Variants in SON observed in about 807,000 individuals in gnomAD.
The protein encoded by SON is SON DNA and RNA binding protein.
In SON, 4 loss-of-function variants were observed where a neutral mutation model predicts 173.3. The observed-to-expected ratio is 0.02, with a 90% CI of 0.01 to 0.05. The LOEUF is 0.05. SON is among the 10% of genes least tolerant of loss of function. The pLI is 1.00. For synonymous variants in SON, 1,190 were observed against 1,105.9 expected (o/e 1.08, Z -1.51); for missense variants, 2,626 against 3,055.3 (o/e 0.86, Z 3.31).
At chr21:33,546,628 A>G (rs2085622774) in intron 2 of SON, 1 of 249,878 alleles carries the variant, frequency 4.0e-6, no homozygotes, top group Non-Finnish European at 7.7e-6. Context: ...TGAAAATACA[A>G]AAATTAGCCG....
Position 33,552,105 on chromosome 21 carries a change from A to G in SON, c.2874A>G (p.Leu958=). Residue 958 remains leucine (L), a synonymous_variant, in exon 3 of 12, where the codon CTA becomes CTG. Coordinates refer to ENST00000356577, the MANE Select transcript of SON (RefSeq NM_138927.4). This position sits in a 1 kb window ranked among gnomAD's most constrained non-coding sequence, Gnocchi z 5.6. The part of the protein sequence containing the change: ...PYRLGHDPYR[L]TPDPYRMSPR... ...GATTAGGCCATGATCCCTACAGACT[A>G]ACTCCTGATCCCTATAGGATGTCAC... is the stretch of plus-strand genomic sequence containing the variant. The G allele has an allele frequency of 6.2e-7, 1 of 1,614,050 alleles. No individual in the cohort carries two copies. The highest frequency in any genetic ancestry group is 8.5e-7 in the Non-Finnish European group (1 of 1,179,980).
At chr21:33,548,817 A>T (rs771893715) in intron 2 of SON, among the ~76,000 whole-genome samples, 2 of 152,254 alleles carry the variant, frequency 1.3e-5, no homozygotes, top group African/African-American at 4.8e-5. Context: ...AACTAATAAC[A>T]TGAAATATAT....
intron 9 of SON, chr21:33,575,376 T>C: frequency 2.4e-6 from 1 of 419,028 alleles, no homozygotes. Context: ...TGGTATTTAT[T>C]ACAATTTCTC....
intron 7 of SON, 128 bp from the exon 8 acceptor site, chr21:33,568,839 CATTT>C: frequency 1.7e-6 from 1 of 579,456 alleles, no homozygotes; most frequent in South Asian, 2.4e-5. Context: ...TTTAGGCAAA[CATTT>C]AATGTTAAAT....
intron 3 of SON, among the ~76,000 whole-genome samples, chr21:33,555,761 T>C (rs903309345): frequency 1.3e-5 from 2 of 152,228 alleles, no homozygotes; most frequent in African/African-American, 4.8e-5. Context: ...ACATACATCC[T>C]TGCAACTAAG....
rs3174808 is a variant in SON, at chr21:33,573,415, T to A, written c.6993T>A (p.Asn2331Lys). ...GEGLGKNKEG[N>K]KEPILVDFKT... ...GATTAGGAAAAAACAAAGAAGGCAA[T>A]AAGGAACCCATCCTAGTTGATTTTA... The change falls in exon 9 of 12, where the codon AAT (asparagine) becomes AAA (lysine). Residue 2331 changes from asparagine to lysine, a missense_variant. Physicochemically the swap from Asn to Lys is moderately conservative, Grantham distance 94. Transcript: ENST00000356577. 6.2e-7 allele frequency: 1 copy of A among 1,613,284 alleles called. No individual in the cohort carries two copies. Among genetic ancestry groups the A allele is most frequent in the Non-Finnish European group, 8.5e-7 (1 of 1,179,546 alleles).
chr21:33,544,936 C>T (rs1046350610), intron 1 of SON, among the ~76,000 whole-genome samples: 1 of 152,184 alleles, frequency 6.6e-6, no homozygotes, highest in Non-Finnish European at 1.5e-5. Context: ...GAGGAATATG[C>T]AGCTTCTCTT....
intron 8 of SON, chr21:33,573,090 A>G: frequency 2.4e-6 from 1 of 410,508 alleles, no homozygotes. Flanking sequence ...ACTGCCATTT[A>G]CTTGTCTTAT....
chr21:33,562,376 T>C (rs2086085924), intron 6 of SON, among the ~76,000 whole-genome samples: 1 of 152,216 alleles, frequency 6.6e-6, no homozygotes, highest in African/African-American at 2.4e-5. Flanking sequence ...ATAGTAATTT[T>C]TATCTATGCC....
intron 7 of SON, among the ~76,000 whole-genome samples, chr21:33,568,496 C>CA (rs996950159): frequency 1.2e-4 from 18 of 150,502 alleles, no homozygotes; most frequent in African/African-American, 1.7e-4. Context: ...AACTCCATCT[C>CA]AAAAAAAAAT....
In SON at chr21:33,551,153, TGCCTGGGCA is replaced by T; in HGVS notation, c.1928_1936del (p.Gly643_Pro645del). On this transcript the variant is annotated inframe_deletion, in exon 3 of 12. Transcript: ENST00000356577. The stretch of plus-strand genomic sequence containing the variant: ...CCAGGGCAGCCTGGGGCGCCAGAGT[TGCCTGGGCA>T]GCCTGTGGCAACTGTGGCGCTGGAG... 6.2e-7 allele frequency: 1 copy of T among 1,613,738 alleles called. No homozygotes were observed. The highest frequency in any genetic ancestry group is 8.5e-7 in the Non-Finnish European group (1 of 1,179,740).
At position 33,559,313 on chromosome 21, in the gene SON, ACCT is replaced by A. The variant is rs2086026673; in HGVS notation, c.6409_6411del (p.Pro2137del). On this transcript the variant is annotated inframe_deletion, in exon 5 of 12. Transcript: ENST00000356577. The surrounding 1 kb of genome is among the most constrained non-coding windows in gnomAD (Gnocchi z 4.1). The stretch of plus-strand genomic sequence containing the variant: ...ATGTTTCGGATGAAGAGGAAGAAGA[ACCT>A]CCTTTTTATCATCATCCCTTTAAAC... The A allele has an allele frequency of 6.2e-7, 1 of 1,612,290 alleles. No homozygotes were observed. The highest frequency in any genetic ancestry group is 8.5e-7 in the Non-Finnish European group (1 of 1,179,088).
chr21:33,543,424 C>A, intron 1 of SON: 1 of 536,866 alleles, frequency 1.9e-6, no homozygotes, highest in Non-Finnish European at 3.3e-6. Context: ...GATGTTCACC[C>A]TTCTCCCCTG....
chr21:33,566,649 T>C (rs2086178337), intron 6 of SON, among the ~76,000 whole-genome samples: 1 of 152,118 alleles, frequency 6.6e-6, no homozygotes, highest in South Asian at 2.1e-4. Flanking sequence ...TGTCCACAAC[T>C]GGAAGATGTT....
At chr21:33,564,733 G>A (rs186000605) in intron 6 of SON, among the ~76,000 whole-genome samples, 3 of 152,094 alleles carry the variant, frequency 2.0e-5, no homozygotes, top group Middle Eastern at 6.8e-3. Context: ...GGCAGCGCAT[G>A]CCTGTAATCC....
chr21:33,554,980 A>G lies in SON; in HGVS notation c.5749A>G (p.Thr1917Ala). The G allele has an allele frequency of 1.2e-6, 2 of 1,613,816 alleles. No individual in the cohort carries two copies. The highest frequency in any genetic ancestry group is 1.7e-6 in the Non-Finnish European group (2 of 1,179,992). ...KRSSSRDNRK[T>A]VRARSRTPSR... ...ATCAAGCTCCAGGGATAACCGAAAG[A>G]CAGTTAGAGCTCGAAGTCGAACCCC... Residue 1917 changes from threonine (T) to alanine (A), a missense_variant, in exon 3 of 12, where the codon ACA (threonine) becomes GCA (alanine). By Grantham distance (58) the Thr-to-Ala change is moderately conservative. Around this residue, in one of 13 missense-constraint regions of SON, gnomAD observed 1,006 missense variants for 895.6 expected, o/e 1.12. Coordinates refer to ENST00000356577, the MANE Select transcript of SON (RefSeq NM_138927.4).
chr21:33,569,239 C>T (rs539528152), intron 8 of SON, 152 bp downstream of exon 8: 39 of 554,710 alleles, frequency 7.0e-5, no homozygotes, highest in East Asian at 4.3e-4. Context: ...ACACTGAAGA[C>T]GGACTGGATT....
In SON at chr21:33,550,757, C is replaced by T. The variant is rs749384711; in HGVS notation, c.1526C>T (p.Thr509Met). 2.7e-5 allele frequency: 44 copies of T among 1,614,042 alleles called. No homozygotes were observed. The highest frequency in any genetic ancestry group is 1.6e-4 in the Middle Eastern group (1 of 6,084). ...VAMELTEQPVTTTELEQPVGM... is the reference protein window; with the variant it reads ...VAMELTEQPVMTTELEQPVGM... ...ATGGAGTTGACCGAACAACCTGTGACGACGACAGAGTTGGAGCAGCCTGTG... is the reference window on the plus strand; with the variant it reads ...ATGGAGTTGACCGAACAACCTGTGATGACGACAGAGTTGGAGCAGCCTGTG... Residue 509 changes from threonine (T) to methionine (M), a missense_variant, in exon 3 of 12, where the codon ACG (threonine) becomes ATG (methionine). Physicochemically the swap from Thr to Met is moderately conservative, Grantham distance 81. Coordinates refer to ENST00000356577, the MANE Select transcript of SON (RefSeq NM_138927.4).
chr21:33,558,959 CTTTTTTTTTTT>C (rs71194851), intron 4 of SON: 28 of 118,822 alleles, frequency 2.4e-4, no homozygotes, highest in Middle Eastern at 4.6e-3. Flanking sequence ...ATGTCTTCTA[CTTTTTTTTTTT>C]TTTTTTTTTT....
Sources: allele counts gnomAD v4.1 joint callset (sites outside exome capture counted in the v4.1 genomes callset), GRCh38; gene constraint gnomAD v4.1.1; regional missense constraint gnomAD v4.1.1; non-coding constraint Gnocchi (gnomAD v3.1); transcripts MANE v1.5; gene names NCBI Gene and HGNC (gene_info 2026-07-23, HGNC 2026-07-21).